The following DYM variants were observed in gnomAD, a reference collection of about 807,000 sequenced individuals.
The protein encoded by DYM is dymeclin, also known as dyggve-Melchior-Clausen syndrome protein.
DYM carries 78 observed loss-of-function variants against 93.1 expected under a neutral mutation model. The ratio of observed to expected loss-of-function variants is 0.84; its 90% CI spans 0.70 to 1.01. The LOEUF is 1.01. Ranked by LOEUF, DYM falls within the 50% of genes least tolerant of loss-of-function variation. The pLI, the probability that DYM is intolerant of heterozygous loss-of-function variation, is 0.00. For synonymous variants in DYM, 321 were observed against 319.7 expected, an observed-to-expected ratio of 1.00 and a Z score of -0.04; for missense variants, 789 against 845.0, an observed-to-expected ratio of 0.93 and a Z score of 0.82.
chr18:49,379,516 C>T, intron 4 of DYM, 149 bp downstream of exon 4: 1 of 717,532 alleles, frequency 1.4e-6, no homozygotes, highest in Non-Finnish European at 2.3e-6. Context: ...AGACACTAAC[C>T]TAAAACCTCT....
chr18:49,257,571 C>T lies in DYM; in HGVS notation c.1366-467G>A, dbSNP rs142570910. On this transcript the variant is annotated intron_variant, in intron 12 of 17. Coordinates refer to ENST00000675505, the MANE Select transcript of DYM (RefSeq NM_001353214.3). Reference sequence around the variant, plus strand: ...TGAAAATGGGCTGGGAGTAGGGGCTCACGCCTGTAATCCCAACACTTTGGG... The same window carrying T: ...TGAAAATGGGCTGGGAGTAGGGGCTTACGCCTGTAATCCCAACACTTTGGG... Among the ~76,000 whole-genome samples the T allele has an allele frequency of 9.2e-3, 1,406 of 152,188 alleles. 8 individuals carry two copies. The highest frequency in any genetic ancestry group is 0.014 in the Non-Finnish European group (946 of 68,016).
At chr18:49,248,642 AC>A (rs1236071971) in intron 13 of DYM, among the ~76,000 whole-genome samples, 7 of 152,136 alleles carry the variant, frequency 4.6e-5, no homozygotes. Flanking sequence ...AAAAAAAAAA[AC>A]CAACTATAAC....
intron 2 of DYM, among the ~76,000 whole-genome samples, chr18:49,421,735 G>A (rs1407026099): frequency 3.3e-5 from 5 of 152,150 alleles, no homozygotes; most frequent in Admixed American, 6.6e-5. Flanking sequence ...CGAAACCATC[G>A]CGAAGAAGCT....
At chr18:49,354,279 G>A (rs917014110) in intron 6 of DYM, among the ~76,000 whole-genome samples, 3 of 151,962 alleles carry the variant, frequency 2.0e-5, no homozygotes, top group Non-Finnish European at 4.4e-5. Flanking sequence ...GATAAAATAG[G>A]AGAAAATCCA....
intron 8 of DYM, among the ~76,000 whole-genome samples, chr18:49,318,480 G>T (rs2062182125): frequency 6.6e-6 from 1 of 152,058 alleles, no homozygotes; most frequent in African/African-American, 2.4e-5. Context: ...AAATTAATTG[G>T]GCATGGTGGC....
At chr18:49,274,047 C>T (rs1194210370) in intron 10 of DYM, among the ~76,000 whole-genome samples, 2 of 152,026 alleles carry the variant, frequency 1.3e-5, no homozygotes, top group African/African-American at 2.4e-5. Context: ...ATTCAAAGTG[C>T]ACAATTCAAT....
In DYM at chr18:49,043,487, G is replaced by C. The variant is rs1349137956; in HGVS notation, c.*568C>G. 6.5e-6 allele frequency: 1 copy of C among 153,968 alleles called. No individual in the cohort carries two copies. The highest frequency in any genetic ancestry group is 2.4e-5 in the African/African-American group (1 of 41,436). 9.5% of individuals were successfully genotyped at this position (153,968 alleles called of 1,614,324 possible). ...TTAAATATTAATATCAAATTGTCCA[G>C]GCATGGTGTTTATGAAATTGTGTGC... On this transcript the variant is annotated 3_prime_UTR_variant, in exon 18 of 18. Coordinates refer to ENST00000675505, the MANE Select transcript of DYM (RefSeq NM_001353214.3).
Position 49,285,434 on chromosome 18 carries a change from C to T in DYM, c.946+1000G>A, listed in dbSNP as rs1264091995. ...CATCTGGTCATGCACTGCATAATAA[C>T]GTTTCAGTCAGTGATAAACCACATA... On this transcript the variant is annotated intron_variant, in intron 9 of 17. Transcript: ENST00000675505. 2.6e-5 allele frequency among the ~76,000 whole-genome samples: 4 copies of T among 152,306 alleles called. No individual in the cohort carries two copies. In the East Asian group the frequency reaches 5.8e-4, roughly 22 times the overall value.
At chr18:49,094,418 T>C (rs2079363448) in intron 17 of DYM, among the ~76,000 whole-genome samples, 1 of 152,106 alleles carries the variant, frequency 6.6e-6, no homozygotes, top group South Asian at 2.1e-4. Flanking sequence ...TCCTTCCAAA[T>C]CCTAAAGGAG....
In DYM at chr18:49,406,145, T is replaced by C. The variant is rs552019201; in HGVS notation, c.141-14500A>G. 1.5e-4 allele frequency among the ~76,000 whole-genome samples: 23 copies of C among 152,338 alleles called. No individual in the cohort carries two copies. The South Asian group carries it at 3.3e-3, about 22-fold the overall frequency. ...GAGTTTTTAGGATTTTCTAGAAGCA[T>C]ATTGTCAGCAAAAAGAGATGGTTTG... On this transcript the variant is annotated intron_variant, in intron 2 of 17. Coordinates refer to ENST00000675505, the MANE Select transcript of DYM (RefSeq NM_001353214.3).
At position 49,379,711 on chromosome 18, in the gene DYM, A is replaced by C. The variant is rs2067856945; in HGVS notation, c.241T>G (p.Phe81Val). 1.2e-6 allele frequency: 2 copies of C among 1,613,464 alleles called. No individual in the cohort carries two copies. Among genetic ancestry groups the C allele is most frequent in the African/African-American group, 2.7e-5 (2 of 75,036 alleles). ...TTTAGTTCTTTGGTTCTAGAAAGGA[A>C]GACCTTAATTAGTGCACCAAGATTT... The part of the protein sequence containing the change: ...TGNLGALIKV[F>V]LSRTKELKLS... The change falls in exon 4 of 18, where the codon TTC (phenylalanine) becomes GTC (valine). Residue 81 changes from phenylalanine to valine, a missense_variant. Coordinates refer to ENST00000675505, the MANE Select transcript of DYM (RefSeq NM_001353214.3).
intron 2 of DYM, among the ~76,000 whole-genome samples, chr18:49,408,930 T>A (rs940255033): frequency 6.6e-6 from 1 of 152,112 alleles, no homozygotes; most frequent in African/African-American, 2.4e-5. Context: ...GGCCTAAACT[T>A]CAAGAATGGT....
rs147615314 is a variant in DYM, at chr18:49,412,622, A to G, written c.140+17633T>C. On this transcript the variant is annotated intron_variant, in intron 2 of 17. Coordinates refer to ENST00000675505, the MANE Select transcript of DYM (RefSeq NM_001353214.3). Reference sequence around the variant, plus strand: ...GCAAACCTACAAAGAAAAAGTTAAAACAGAATTTAGAAGATGGTTTAGCAG... The same window carrying G: ...GCAAACCTACAAAGAAAAAGTTAAAGCAGAATTTAGAAGATGGTTTAGCAG... Among the ~76,000 whole-genome samples, 11 of 152,264 alleles carry G rather than the reference A, an allele frequency of 7.2e-5. No homozygotes were observed. In the East Asian group the frequency reaches 2.1e-3, roughly 29 times the overall value.
rs2071123778 is a variant in DYM, at chr18:49,043,898, T to A, written c.*157A>T. The A allele has an allele frequency of 3.5e-6, 3 of 865,736 alleles. No individual in the cohort carries two copies. Among genetic ancestry groups the A allele is most frequent in the Non-Finnish European group, 5.4e-6 (3 of 550,538 alleles). 53.6% of individuals were successfully genotyped at this position (865,736 alleles called of 1,614,324 possible). On this transcript the variant is annotated 3_prime_UTR_variant, in exon 18 of 18. Transcript: ENST00000675505. ...GTTATCTATTGCCAACTAGCACCAA[T>A]TCTCCAAATCAAAGTGTGTGAGGAA...
At chr18:49,098,310 T>C (rs1424142329) in intron 16 of DYM, among the ~76,000 whole-genome samples, 1 of 152,236 alleles carries the variant, frequency 6.6e-6, no homozygotes, top group Non-Finnish European at 1.5e-5. Context: ...CATTACCTTT[T>C]ATGTCTTCTA....
chr18:49,353,087 C>T (rs2065250977), intron 6 of DYM, among the ~76,000 whole-genome samples: 3 of 151,892 alleles, frequency 2.0e-5, no homozygotes, highest in South Asian at 2.1e-4. Flanking sequence ...TTTCATTAGC[C>T]GATTTAAAGT....
At chr18:49,272,472 T>C (rs926006956) in intron 10 of DYM, among the ~76,000 whole-genome samples, 169 bp from the exon 11 acceptor site, 1 of 152,188 alleles carries the variant, frequency 6.6e-6, no homozygotes, top group African/African-American at 2.4e-5. Context: ...TCCAAATGTA[T>C]AGCTAAGATG....
At chr18:49,052,808 C>T (rs1216868205) in intron 17 of DYM, among the ~76,000 whole-genome samples, 1 of 152,138 alleles carries the variant, frequency 6.6e-6, no homozygotes, top group Non-Finnish European at 1.5e-5. Flanking sequence ...GACTAAAGCT[C>T]TGGGAAGGCA....
Position 49,154,086 on chromosome 18 carries a change from C to A in DYM, c.1728+9599G>T, listed in dbSNP as rs533921864. Reference sequence around the variant, plus strand: ...CAATAATGCATGACCTCAATCTAATCATGAGAAAACACCAGCCAAATCCAA... The same window carrying A: ...CAATAATGCATGACCTCAATCTAATAATGAGAAAACACCAGCCAAATCCAA... On this transcript the variant is annotated intron_variant, in intron 15 of 17. Transcript: ENST00000675505. 2.6e-5 allele frequency among the ~76,000 whole-genome samples: 4 copies of A among 152,222 alleles called. No homozygotes were observed. The South Asian group carries it at 6.2e-4, about 24-fold the overall frequency.
Sources: allele counts gnomAD v4.1 joint callset (sites outside exome capture counted in the v4.1 genomes callset), GRCh38; gene constraint gnomAD v4.1.1; transcripts MANE v1.5; gene names NCBI Gene and HGNC (gene_info 2026-07-23, HGNC 2026-07-21).